The following RANBP10 variants were observed in gnomAD, a reference collection of about 807,000 sequenced individuals.
RANBP10 encodes the protein RAN binding protein 10, also known as ran-binding protein 10.
RANBP10 carries 24 observed loss-of-function variants against 72.8 expected under a neutral mutation model. The ratio of observed to expected loss-of-function variants is 0.33; its 90% CI spans 0.24 to 0.46. RANBP10 has a LOEUF of 0.46. Among genes scored for constraint, RANBP10 ranks in the 20% least tolerant of loss-of-function variants. RANBP10 has a pLI of 1.00. For synonymous variants in RANBP10, 310 were observed against 322.3 expected, an observed-to-expected ratio of 0.96 and a Z score of 0.41; for missense variants, 679 against 817.5, an observed-to-expected ratio of 0.83 and a Z score of 2.07.
chr16:67,789,301 C>CCATATTTCTTTTTTT, intron 2 of RANBP10, among the ~76,000 whole-genome samples: 1 of 148,158 alleles, frequency 6.7e-6, no homozygotes, highest in Admixed American at 6.7e-5. Flanking sequence ...CAGAATAAGA[C>CCATATTTCTTTTTTT]TCCATCTCAA....
At chr16:67,766,520 T>G (rs993096160) in intron 3 of RANBP10, among the ~76,000 whole-genome samples, 1 of 152,062 alleles carries the variant, frequency 6.6e-6, no homozygotes, top group African/African-American at 2.4e-5. Flanking sequence ...TCACATGAGA[T>G]CTGGTTGTTT....
chr16:67,726,373 C>A lies in RANBP10; in HGVS notation c.*55G>T. The A allele has an allele frequency of 1.9e-6, 3 of 1,606,040 alleles. No individual in the cohort carries two copies. The highest frequency in any genetic ancestry group is 2.5e-6 in the Non-Finnish European group (3 of 1,177,238). ...CACCAGTTGCCTATGGAGGGCAGGG[C>A]AGCTCCAGCCCTGGGGCCAGTGGAG... is the stretch of plus-strand genomic sequence containing the variant. On this transcript the variant is annotated 3_prime_UTR_variant, in exon 14 of 14. Transcript: ENST00000317506.
chr16:67,787,043 A>C (rs1039476190), intron 2 of RANBP10, among the ~76,000 whole-genome samples: 1 of 152,122 alleles, frequency 6.6e-6, no homozygotes, highest in African/African-American at 2.4e-5. Flanking sequence ...GTTTGAGACC[A>C]ACCTGGCCAA....
At chr16:67,793,085 C>T (rs982877475) in intron 2 of RANBP10, among the ~76,000 whole-genome samples, 43 of 152,214 alleles carry the variant, frequency 2.8e-4, no homozygotes, top group African/African-American at 8.4e-4. Flanking sequence ...TGCCCGTAAC[C>T]GGAGGGTGTA....
intron 5 of RANBP10, among the ~76,000 whole-genome samples, chr16:67,736,814 A>T (rs2053856956): frequency 6.6e-6 from 1 of 152,174 alleles, no homozygotes; most frequent in Non-Finnish European, 1.5e-5. Context: ...GGTAAGAGGG[A>T]AGGATTCTGA....
intron 3 of RANBP10, among the ~76,000 whole-genome samples, chr16:67,767,174 A>G (rs2054517581): frequency 6.6e-6 from 1 of 152,138 alleles, no homozygotes; most frequent in Admixed American, 6.6e-5. Flanking sequence ...AAAAAGAGAA[A>G]CAGACTAGGC....
In RANBP10 at chr16:67,724,073, G is replaced by A. The variant is rs761704256; in HGVS notation, c.*2355C>T. On this transcript the variant is annotated 3_prime_UTR_variant, in exon 14 of 14. Coordinates refer to ENST00000317506, the MANE Select transcript of RANBP10 (RefSeq NM_020850.3). ...ATGGGTACCAAGTGCGAGCCAGGCA[G>A]ACACCCAACCCCATGCAGCACACAG... The A allele has an allele frequency of 6.5e-5, 10 of 152,762 alleles. No individual in the cohort carries two copies. Among genetic ancestry groups the A allele is most frequent in the Non-Finnish European group, 7.3e-5 (5 of 68,260 alleles). The allele number at this position is 152,762 out of a possible 1,614,324, so 9.5% of individuals were successfully genotyped here. A position where few individuals can be genotyped will look rare whatever the true frequency, so the allele number is the denominator to read the frequency against.
chr16:67,784,242 C>T (rs1201377896), intron 2 of RANBP10, among the ~76,000 whole-genome samples: 4 of 152,002 alleles, frequency 2.6e-5, no homozygotes, highest in East Asian at 1.9e-4. Flanking sequence ...AGGTGGAGGC[C>T]GGGAGAGGTG....
intron 3 of RANBP10, among the ~76,000 whole-genome samples, chr16:67,758,507 G>A (rs915983793): frequency 1.3e-5 from 2 of 152,130 alleles, no homozygotes; most frequent in African/African-American, 4.8e-5. Context: ...AGGAGCTCCC[G>A]GAGTGGCATC....
chr16:67,728,829 T>C (rs1292175597), intron 10 of RANBP10, among the ~76,000 whole-genome samples: 1 of 152,252 alleles, frequency 6.6e-6, no homozygotes, highest in Non-Finnish European at 1.5e-5. Context: ...ATGGCCCCCA[T>C]GGGCAGCTCT....
At chr16:67,779,672 C>A (rs1224358721) in intron 2 of RANBP10, among the ~76,000 whole-genome samples, 1 of 152,074 alleles carries the variant, frequency 6.6e-6, no homozygotes, top group Admixed American at 6.6e-5. Context: ...TCAGTAAAAA[C>A]AGGTGTGATA....
Position 67,727,863 on chromosome 16 carries a change from C to A in RANBP10, c.1508G>T (p.Gly503Val), listed in dbSNP as rs769636670. The A allele has an allele frequency of 1.9e-6, 3 of 1,613,884 alleles. No individual in the cohort carries two copies. The highest frequency in any genetic ancestry group is 1.7e-5 in the Admixed American group (1 of 60,002). Residue 503 changes from glycine (G) to valine (V), a missense_variant, in exon 12 of 14, where the codon GGC (glycine) becomes GTC (valine). Coordinates refer to ENST00000317506, the MANE Select transcript of RANBP10 (RefSeq NM_020850.3). ...GATCCTTTCTGTGGCAGCCTGGTTGCCCCCGCAGAGCTGCCGCCGAGGATG... is the reference window on the plus strand; with the variant it reads ...GATCCTTTCTGTGGCAGCCTGGTTGACCCCGCAGAGCTGCCGCCGAGGATG... ...DRHPRRQLCG[G>V]NQAATERIIL... is the part of the protein sequence containing the mutation.
chr16:67,801,841 T>C (rs2055239276), intron 2 of RANBP10, among the ~76,000 whole-genome samples: 1 of 151,888 alleles, frequency 6.6e-6, no homozygotes, highest in Non-Finnish European at 1.5e-5. Context: ...ATGACTATAA[T>C]CCCAGCACTT....
intron 2 of RANBP10, among the ~76,000 whole-genome samples, chr16:67,803,801 G>A (rs951046683): frequency 2.7e-5 from 4 of 147,280 alleles, no homozygotes; most frequent in Admixed American, 6.9e-5. Flanking sequence ...GCACTTCAGC[G>A]TGGGAGACAG....
chr16:67,737,145 GTTT>G (rs11325297), intron 5 of RANBP10, among the ~76,000 whole-genome samples: 13 of 119,898 alleles, frequency 1.1e-4, no homozygotes, highest in East Asian at 2.4e-4. Context: ...ATCCTTTTCT[GTTT>G]TTTTTTTTTT....
At chr16:67,733,201 C>A (rs575040847) in intron 6 of RANBP10, among the ~76,000 whole-genome samples, 3 of 151,454 alleles carry the variant, frequency 2.0e-5, no homozygotes, top group Non-Finnish European at 2.9e-5. Flanking sequence ...CCTGTCCCCA[C>A]AAAAAATACA....
intron 2 of RANBP10, among the ~76,000 whole-genome samples, chr16:67,798,083 T>C (rs144561573): frequency 6.7e-4 from 102 of 151,180 alleles, no homozygotes; most frequent in Middle Eastern, 3.5e-3. Flanking sequence ...CATCCTACCC[T>C]GTGTTCCAGA....
chr16:67,759,883 G>A (rs967597023), intron 3 of RANBP10, among the ~76,000 whole-genome samples: 2 of 152,100 alleles, frequency 1.3e-5, no homozygotes, highest in African/African-American at 2.4e-5. Flanking sequence ...GGCGGATCAC[G>A]AGGTCAGGAG....
At chr16:67,751,978 A>G (rs1470440552) in intron 3 of RANBP10, among the ~76,000 whole-genome samples, 1 of 152,016 alleles carries the variant, frequency 6.6e-6, no homozygotes, top group Non-Finnish European at 1.5e-5. Context: ...CAAAGAGCTC[A>G]ATTAAAAAAA....
Sources: allele counts gnomAD v4.1 joint callset (sites outside exome capture counted in the v4.1 genomes callset), GRCh38; gene constraint gnomAD v4.1.1; transcripts MANE v1.5; gene names NCBI Gene and HGNC (gene_info 2026-07-23, HGNC 2026-07-21).